Variants in CNTLN observed in about 807,000 individuals in gnomAD.
CNTLN encodes centlein, also known as centlein, centrosomal protein.
A neutral mutation model predicts 180.0 loss-of-function variants in CNTLN; 212 were observed. The observed-to-expected ratio is 1.18, with a 90% CI of 1.05 to 1.32. The LOEUF is 1.32. Ranked by LOEUF, CNTLN falls within the 40% of genes most tolerant of loss-of-function variation. CNTLN has a pLI of 0.00. For synonymous variants in CNTLN, 722 were observed against 563.1 expected, an observed-to-expected ratio of 1.28 and a Z score of -3.99; for missense variants, 2,095 against 1,610.9, an observed-to-expected ratio of 1.30 and a Z score of -5.14.
intron 12 of CNTLN, among the ~76,000 whole-genome samples, chr9:17,364,330 C>G (rs763488341): frequency 2.6e-5 from 4 of 152,086 alleles, no homozygotes; most frequent in African/African-American, 9.7e-5. Context: ...TCCTTCTGCT[C>G]TCTTCCATTT....
intron 13 of CNTLN, among the ~76,000 whole-genome samples, chr9:17,387,530 A>C (rs1390111199): frequency 6.6e-6 from 1 of 152,040 alleles, no homozygotes; most frequent in African/African-American, 2.4e-5. Flanking sequence ...GGCTTGGTTG[A>C]AAAGGTTTTG....
At chr9:17,260,596 G>C (rs1391850719) in intron 5 of CNTLN, among the ~76,000 whole-genome samples, 2 of 151,206 alleles carry the variant, frequency 1.3e-5, no homozygotes, top group African/African-American at 4.9e-5. Flanking sequence ...TGCATAATTT[G>C]TGAAAATTTT....
At chr9:17,254,647 G>T (rs902069746) in intron 5 of CNTLN, among the ~76,000 whole-genome samples, 1 of 151,352 alleles carries the variant, frequency 6.6e-6, no homozygotes, top group Non-Finnish European at 1.5e-5. Flanking sequence ...TTTTTCATTG[G>T]TCTGTATATC....
chr9:17,323,243 C>G (rs1048200871), intron 8 of CNTLN, among the ~76,000 whole-genome samples: 2 of 151,996 alleles, frequency 1.3e-5, no homozygotes, highest in Admixed American at 1.3e-4. Context: ...CAATATGGCT[C>G]GCAATTTGCA....
intron 1 of CNTLN, among the ~76,000 whole-genome samples, chr9:17,141,310 G>A (rs1274152312): frequency 6.6e-6 from 1 of 152,192 alleles, no homozygotes; most frequent in African/African-American, 2.4e-5. Flanking sequence ...AACTGGAAAA[G>A]GGGTTGCTAG....
rs1029060108 is a variant in CNTLN, at chr9:17,137,982, T to C, written c.360+2557T>C. The stretch of plus-strand genomic sequence containing the variant: ...ATGAAGAAAAAGTGATTAATTTCAA[T>C]GAGGGAAGAAAAGCTATCTGTATTG... On this transcript the variant is annotated intron_variant, in intron 1 of 25. Coordinates refer to ENST00000380647, the MANE Select transcript of CNTLN (RefSeq NM_017738.4). 2.6e-5 allele frequency among the ~76,000 whole-genome samples: 4 copies of C among 152,176 alleles called. No homozygotes were observed. In the South Asian group the frequency reaches 8.3e-4, roughly 31 times the overall value.
chr9:17,203,319 G>A (rs1317377386), intron 2 of CNTLN, among the ~76,000 whole-genome samples: 1 of 152,020 alleles, frequency 6.6e-6, no homozygotes, highest in South Asian at 2.1e-4. Flanking sequence ...GTGTCTTGTG[G>A]TTGCTCTTCT....
At chr9:17,272,491 T>C (rs1828022296) in intron 5 of CNTLN, among the ~76,000 whole-genome samples, 1 of 152,178 alleles carries the variant, frequency 6.6e-6, no homozygotes, top group African/African-American at 2.4e-5. Flanking sequence ...CTGGTGTTCG[T>C]TTATCGCTTT....
chr9:17,189,690 T>C (rs1821672412), intron 2 of CNTLN, among the ~76,000 whole-genome samples: 1 of 151,806 alleles, frequency 6.6e-6, no homozygotes, highest in African/African-American at 2.4e-5. Flanking sequence ...TTTCCCTATG[T>C]TGGCCAGGCT....
chr9:17,152,628 T>A (rs547915546), intron 2 of CNTLN, among the ~76,000 whole-genome samples: 3 of 152,218 alleles, frequency 2.0e-5, no homozygotes, highest in Non-Finnish European at 2.9e-5. Context: ...GAGAAGAATG[T>A]ATATTCTGTT....
chr9:17,526,577 T>C, the CNTLN span, among the ~76,000 whole-genome samples: 1 of 152,176 alleles, frequency 6.6e-6, no homozygotes, highest in Non-Finnish European at 1.5e-5. Flanking sequence ...TTTTCCAGAA[T>C]TCTAAATTCA....
chr9:17,332,619 A>G lies in CNTLN; in HGVS notation c.1533A>G (p.Lys511=). Residue 511 remains lysine, a synonymous_variant, in exon 10 of 26, where the codon AAA becomes AAG. Transcript: ENST00000380647. ...AEGKHKEPPV[K]RSRSLSPKSS... ...TTATTCTCGAGGAACCACCTGTGAA[A>G]CGTTCAAGGTCTTTGTCCCCAAAGA... 2.5e-6 allele frequency: 4 copies of G among 1,607,362 alleles called. No individual in the cohort carries two copies. The African/African-American group carries it at 4.0e-5, about 16-fold the overall frequency.
intron 5 of CNTLN, among the ~76,000 whole-genome samples, chr9:17,270,749 T>A (rs923876941): frequency 3.3e-5 from 5 of 152,094 alleles, no homozygotes; most frequent in African/African-American, 1.2e-4. Context: ...TTCATATAAT[T>A]GATTAAATGT....
At chr9:17,203,704 C>T (rs985836113) in intron 2 of CNTLN, among the ~76,000 whole-genome samples, 3 of 152,064 alleles carry the variant, frequency 2.0e-5, no homozygotes, top group Non-Finnish European at 2.9e-5. Context: ...CTACAGGCAC[C>T]CGCCACCACG....
chr9:17,393,438 C>A (rs1316883192), intron 14 of CNTLN, among the ~76,000 whole-genome samples: 2 of 152,084 alleles, frequency 1.3e-5, no homozygotes, highest in African/African-American at 4.8e-5. Context: ...TTTCTTGACT[C>A]CAAATCTTTG....
intron 18 of CNTLN, among the ~76,000 whole-genome samples, chr9:17,442,674 C>G (rs2134054991): frequency 6.6e-6 from 1 of 152,298 alleles, no homozygotes; most frequent in African/African-American, 2.4e-5. Context: ...GCTGGGATTA[C>G]AGGTGTAAGC....
intron 25 of CNTLN, 84 bp from the exon 26 acceptor site, chr9:17,502,467 T>G (rs923461730): frequency 1.6e-6 from 1 of 643,660 alleles, no homozygotes; most frequent in Non-Finnish European, 2.6e-6. Context: ...ACATCTAACT[T>G]CTAATGGTTT....
intron 13 of CNTLN, among the ~76,000 whole-genome samples, chr9:17,371,531 G>A (rs1357643784): frequency 6.6e-6 from 1 of 152,090 alleles, no homozygotes; most frequent in Non-Finnish European, 1.5e-5. Flanking sequence ...GCAGGCTTTA[G>A]TATCCCACTT....
intron 6 of CNTLN, among the ~76,000 whole-genome samples, chr9:17,279,884 T>A (rs1828557799): frequency 6.6e-6 from 1 of 152,160 alleles, no homozygotes; most frequent in African/African-American, 2.4e-5. Flanking sequence ...ATTAATCCAC[T>A]CAGGTATTAA....
Sources: allele counts gnomAD v4.1 joint callset (sites outside exome capture counted in the v4.1 genomes callset), GRCh38; gene constraint gnomAD v4.1.1; transcripts MANE v1.5; gene names NCBI Gene and HGNC (gene_info 2026-07-23, HGNC 2026-07-21).